SGCZ: variants seen among roughly 807,000 people sequenced by gnomAD.
The protein encoded by SGCZ is sarcoglycan zeta, also known as zeta-sarcoglycan.
In SGCZ, 40 loss-of-function variants were observed where a neutral mutation model predicts 41.3. The observed-to-expected ratio is 0.97, with a 90% CI of 0.75 to 1.26. The LOEUF is 1.26. SGCZ is among the 50% of genes most tolerant of loss of function. The probability of loss-of-function intolerance (pLI) is 0.00; values close to 1 mark genes in which losing one functional copy is unlikely to be tolerated. For synonymous variants in SGCZ, 206 were observed against 137.5 expected (o/e 1.50, Z -3.49); for missense variants, 552 against 369.8 (o/e 1.49, Z -4.04).
intron 1 of SGCZ, among the ~76,000 whole-genome samples, chr8:14,909,683 A>T (rs188838852): frequency 6.6e-5 from 10 of 152,248 alleles, no homozygotes; most frequent in Admixed American, 3.3e-4. Flanking sequence ...ATTATAAGGC[A>T]TAGTTCTAAC....
intron 5 of SGCZ, among the ~76,000 whole-genome samples, chr8:14,146,862 A>G (rs977805648): frequency 7.0e-6 from 1 of 142,996 alleles, no homozygotes; most frequent in African/African-American, 2.7e-5. Context: ...ACAGAGCGAG[A>G]CTCCGTCTCA....
intron 1 of SGCZ, among the ~76,000 whole-genome samples, chr8:14,932,827 A>G (rs547675708): frequency 6.6e-6 from 1 of 152,182 alleles, no homozygotes; most frequent in South Asian, 2.1e-4. Flanking sequence ...AGCTTGAACT[A>G]AAACAAGAAA....
chr8:14,741,132 G>A (rs531861548), intron 1 of SGCZ, among the ~76,000 whole-genome samples: 1 of 152,088 alleles, frequency 6.6e-6, no homozygotes, highest in Non-Finnish European at 1.5e-5. Flanking sequence ...TATGTCTAAA[G>A]CTTGTGTATT....
intron 1 of SGCZ, among the ~76,000 whole-genome samples, chr8:14,583,680 A>G (rs1017137567): frequency 6.6e-6 from 1 of 152,058 alleles, no homozygotes; most frequent in Non-Finnish European, 1.5e-5. Context: ...ATCCACTCTT[A>G]AAAATTCGAG....
chr8:14,550,453 A>G (rs895332424), intron 2 of SGCZ, among the ~76,000 whole-genome samples: 1 of 151,814 alleles, frequency 6.6e-6, no homozygotes, highest in African/African-American at 2.4e-5. Context: ...TGGAGTTACA[A>G]GATATTGGTA....
chr8:14,324,005 A>C lies in SGCZ; in HGVS notation c.336+98T>G, dbSNP rs180847741. The C allele has an allele frequency of 1.4e-4, 104 of 718,666 alleles. 2 individuals are homozygous for C. In the East Asian group the frequency reaches 1.7e-3, roughly 12 times the overall value. 44.5% of individuals were successfully genotyped at this position (718,666 alleles called of 1,614,324 possible). The stretch of plus-strand genomic sequence containing the variant: ...GGTGTTTAGCTTAAGGAAACTAAAC[A>C]CATGCTGAAGAGATAAGGGGATTCT... On this transcript the variant is annotated intron_variant, in intron 3 of 7. Coordinates refer to ENST00000382080, the MANE Select transcript of SGCZ (RefSeq NM_139167.4).
intron 2 of SGCZ, among the ~76,000 whole-genome samples, chr8:14,541,565 C>T (rs1563397440): frequency 6.6e-6 from 1 of 151,974 alleles, no homozygotes; most frequent in Admixed American, 6.6e-5. Context: ...TGGGTTGGTT[C>T]CAAGTCAATG....
intron 4 of SGCZ, among the ~76,000 whole-genome samples, chr8:14,229,964 A>G (rs947048915): frequency 2.0e-5 from 3 of 152,130 alleles, no homozygotes; most frequent in East Asian, 3.9e-4. Context: ...AAAACTTTTT[A>G]TATGCCATAA....
At chr8:15,103,613 A>T (rs1470279407) in intron 1 of SGCZ, among the ~76,000 whole-genome samples, 1 of 152,134 alleles carries the variant, frequency 6.6e-6, no homozygotes, top group Non-Finnish European at 1.5e-5. Context: ...CTAGAGGAAG[A>T]TTCATCTGGT....
At chr8:15,193,738 G>A (rs756858920) in intron 1 of SGCZ, among the ~76,000 whole-genome samples, 7 of 152,138 alleles carry the variant, frequency 4.6e-5, no homozygotes, top group Non-Finnish European at 1.0e-4. Flanking sequence ...TGTAACAAAT[G>A]TACAGAATAC....
chr8:14,872,181 T>C (rs1804183423), intron 1 of SGCZ, among the ~76,000 whole-genome samples: 1 of 150,922 alleles, frequency 6.6e-6, no homozygotes, highest in East Asian at 1.9e-4. Flanking sequence ...CATGAGGGGC[T>C]AGGGGAGGGA....
intron 7 of SGCZ, among the ~76,000 whole-genome samples, chr8:14,093,491 G>A (rs982655917): frequency 1.7e-4 from 26 of 151,930 alleles, no homozygotes; most frequent in African/African-American, 4.4e-4. Flanking sequence ...TCCAGTTCTT[G>A]CATTTTCTCA....
rs1056152269 is a variant in SGCZ at position 14,332,500 on chromosome 8, G to A, written c.235-8296C>T. 3.7e-4 allele frequency: 56 copies of A among 152,060 alleles called. 1 individual carries two copies. Among genetic ancestry groups the A allele is most frequent in the African/African-American group, 1.3e-3 (55 of 41,530 alleles). The allele number at this position is 152,060 out of a possible 1,614,324, so 9.4% of individuals were successfully genotyped here. A position where few individuals can be genotyped will look rare whatever the true frequency, so the allele number is the denominator to read the frequency against. On this transcript the variant is annotated intron_variant, in intron 2 of 7. Transcript: ENST00000382080. ...ATATGTTAATTTGACAAAATGGATA[G>A]GATCATAGTGGCCTATGATGGAGTA...
chr8:14,808,949 A>C (rs375141931), intron 1 of SGCZ, among the ~76,000 whole-genome samples: 1 of 151,564 alleles, frequency 6.6e-6, no homozygotes. Context: ...ATGAAATTGG[A>C]AATCATCATT....
chr8:14,255,377 T>C (rs1799424902), intron 3 of SGCZ, among the ~76,000 whole-genome samples: 1 of 152,196 alleles, frequency 6.6e-6, no homozygotes, highest in East Asian at 1.9e-4. Context: ...TTAATAACTG[T>C]ATCTCTTCCA....
At chr8:14,565,371 A>G (rs182478228) in intron 1 of SGCZ, among the ~76,000 whole-genome samples, 6 of 152,044 alleles carry the variant, frequency 3.9e-5, no homozygotes, top group Non-Finnish European at 4.4e-5. Context: ...TAACTTTGAA[A>G]TCATTTCATT....
chr8:14,884,338 T>G (rs970657469), intron 1 of SGCZ, among the ~76,000 whole-genome samples: 3 of 152,130 alleles, frequency 2.0e-5, no homozygotes, highest in Admixed American at 6.6e-5. Context: ...GACACTGAGT[T>G]AAGGAACAGT....
intron 1 of SGCZ, among the ~76,000 whole-genome samples, chr8:15,141,403 C>T (rs1808315748): frequency 6.6e-6 from 1 of 152,190 alleles, no homozygotes; most frequent in South Asian, 2.1e-4. Context: ...ACATGAATGT[C>T]CTGGAGTTTG....
chr8:14,172,307 T>G (rs1415964707), intron 4 of SGCZ, among the ~76,000 whole-genome samples: 5 of 152,162 alleles, frequency 3.3e-5, no homozygotes, highest in Non-Finnish European at 7.4e-5. Context: ...CTTTCAAGAT[T>G]GTGGCAACAA....
Sources: gnomAD v4.1 joint callset for allele counts (sites outside exome capture counted in the v4.1 genomes callset) on GRCh38, gnomAD v4.1.1 for gene constraint, MANE v1.5 for transcripts, NCBI Gene and HGNC (gene_info 2026-07-23, HGNC 2026-07-21) for gene names.